Variants in ATP10A observed in about 807,000 individuals in gnomAD.
ATP10A encodes the protein phospholipid-transporting ATPase VA.
ATP10A carries 111 observed loss-of-function variants against 147.8 expected under a neutral mutation model. That is an observed-to-expected ratio of 0.75 (90% CI 0.64 to 0.88). ATP10A has a LOEUF of 0.88. ATP10A is among the 40% of genes least tolerant of loss of function. The pLI, the probability that ATP10A is intolerant of heterozygous loss-of-function variation, is 0.00. For missense variants in ATP10A, 1,927 were observed against 1,959.0 expected, an observed-to-expected ratio of 0.98 and a Z score of 0.31; for synonymous variants, 875 against 841.6, an observed-to-expected ratio of 1.04 and a Z score of -0.69.
rs540149803 is a variant in ATP10A, at chr15:25,810,194, C to T, written c.450-28971G>A. On this transcript the variant is annotated intron_variant, in intron 1 of 20. Coordinates refer to ENST00000555815, the MANE Select transcript of ATP10A (RefSeq NM_024490.4). ...GCGGGGCTAGAGCAGGAAAACCATT[C>T]TCATGCTCCTCATTTCCCCCCAGAC... 9.2e-5 allele frequency among the ~76,000 whole-genome samples: 14 copies of T among 152,256 alleles called. No individual in the cohort carries two copies. The South Asian group carries it at 2.7e-3, about 29-fold the overall frequency.
chr15:25,718,296 ACT>A lies in ATP10A; in HGVS notation c.1465_1466del (p.Ser489CysfsTer54). The A allele has an allele frequency of 6.2e-7, 1 of 1,611,456 alleles. No individual in the cohort carries two copies. Among genetic ancestry groups the A allele is most frequent in the African/African-American group, 1.3e-5 (1 of 74,870 alleles). On this transcript the variant is annotated frameshift_variant, in exon 8 of 21. Coordinates refer to ENST00000555815, the MANE Select transcript of ATP10A (RefSeq NM_024490.4). LOFTEE classifies it high-confidence loss of function. The stretch of plus-strand genomic sequence containing the variant: ...TCTGGGTTCTGTGCACCACCCGGAC[ACT>A]CTGGTGGCTGCCGATGCTGCCGCGC... ...SQRGSIGSHQ[S>X]VRVVHRTQST...
chr15:25,825,656 T>C lies in ATP10A; in HGVS notation c.449+36992A>G, dbSNP rs1892082731. ...ACCACAGGACAAAGAATACAGACCT[T>C]ACAGAGCTGGTTCATAAAAGTCAAT... On this transcript the variant is annotated intron_variant, in intron 1 of 20. Transcript: ENST00000555815. Among the ~76,000 whole-genome samples, 3 of 152,170 alleles carry C rather than the reference T, an allele frequency of 2.0e-5. No homozygotes were observed. The South Asian group carries it at 6.2e-4, about 32-fold the overall frequency.
At chr15:25,827,373 C>A (rs1413154700) in intron 1 of ATP10A, among the ~76,000 whole-genome samples, 2 of 152,114 alleles carry the variant, frequency 1.3e-5, no homozygotes, top group African/African-American at 4.8e-5. Context: ...ATATAAAATG[C>A]AAAGGTAGTT....
intron 1 of ATP10A, among the ~76,000 whole-genome samples, chr15:25,829,614 C>T (rs1892266622): frequency 1.3e-5 from 2 of 152,084 alleles, no homozygotes; most frequent in South Asian, 4.2e-4. Context: ...GTAAGATAAA[C>T]AGAGTAGGGA....
intron 2 of ATP10A, among the ~76,000 whole-genome samples, chr15:25,744,637 T>C (rs971752500): frequency 6.6e-6 from 1 of 152,212 alleles, no homozygotes; most frequent in Non-Finnish European, 1.5e-5. Context: ...TTCGAAAATA[T>C]AGAGCCCACA....
At chr15:25,826,233 AAG>A (rs1422665756) in intron 1 of ATP10A, among the ~76,000 whole-genome samples, 1 of 152,194 alleles carries the variant, frequency 6.6e-6, no homozygotes, top group African/African-American at 2.4e-5. Context: ...AGAAAGAAAA[AAG>A]AGAGACAAAA....
At position 25,830,698 on chromosome 15, in the gene ATP10A, G is replaced by A. The variant is rs182971706; in HGVS notation, c.449+31950C>T. On this transcript the variant is annotated intron_variant, in intron 1 of 20. Transcript: ENST00000555815. Reference sequence around the variant, plus strand: ...GGGATCTTCAGTCCCAAACTCAGAGGTGACAACTTATTTCTGTCCCCCTGC... The same window carrying A: ...GGGATCTTCAGTCCCAAACTCAGAGATGACAACTTATTTCTGTCCCCCTGC... Among the ~76,000 whole-genome samples the A allele has an allele frequency of 6.6e-4, 100 of 152,202 alleles. 1 individual carries two copies. The highest frequency in any genetic ancestry group is 1.5e-3 in the South Asian group (7 of 4,812).
intron 1 of ATP10A, chr15:25,841,500 T>C (rs1892811208): frequency 6.6e-6 from 1 of 151,982 alleles, no homozygotes; most frequent in Non-Finnish European, 1.5e-5. Context: ...AGTGAGTGCT[T>C]CCACTTTATT....
chr15:25,744,283 A>G (rs950441611), intron 2 of ATP10A, among the ~76,000 whole-genome samples: 2 of 151,886 alleles, frequency 1.3e-5, no homozygotes, highest in Non-Finnish European at 2.9e-5. Flanking sequence ...AATTGCTAGA[A>G]CCCCTAGATA....
intron 18 of ATP10A, 35 bp from the exon 19 acceptor site, chr15:25,680,949 C>A (rs1166325854): frequency 6.2e-7 from 1 of 1,613,282 alleles, no homozygotes; most frequent in Non-Finnish European, 8.5e-7. Flanking sequence ...CTGTAGGTCC[C>A]CGGATCCAGC....
At chr15:25,793,713 G>A (rs900844924) in intron 1 of ATP10A, among the ~76,000 whole-genome samples, 7 of 152,198 alleles carry the variant, frequency 4.6e-5, no homozygotes, top group African/African-American at 1.7e-4. Context: ...AGGTGAAGTG[G>A]CCTCCCAAGA....
At chr15:25,829,018 G>A (rs1268593110) in intron 1 of ATP10A, among the ~76,000 whole-genome samples, 5 of 152,172 alleles carry the variant, frequency 3.3e-5, no homozygotes, top group African/African-American at 1.2e-4. Flanking sequence ...GAACATGTGC[G>A]AGAAAGGAGG....
intron 1 of ATP10A, among the ~76,000 whole-genome samples, chr15:25,833,716 C>T (rs573845721): frequency 7.2e-5 from 11 of 152,222 alleles, no homozygotes; most frequent in Non-Finnish European, 1.0e-4. Context: ...TGCCGTGGCT[C>T]ACGCCTGTAA....
chr15:25,719,736 C>G (rs890404285), intron 7 of ATP10A, among the ~76,000 whole-genome samples: 1 of 152,096 alleles, frequency 6.6e-6, no homozygotes, highest in African/African-American at 2.4e-5. Context: ...AAAGATGAGG[C>G]CCAGGAGCAG....
intron 10 of ATP10A, chr15:25,709,010 G>A (rs1901225452): frequency 6.6e-6 from 1 of 152,290 alleles, no homozygotes; most frequent in African/African-American, 2.4e-5. Context: ...CCTGAAAGAG[G>A]ACCCGGTAAG....
At chr15:25,796,454 G>A (rs1052479183) in intron 1 of ATP10A, among the ~76,000 whole-genome samples, 5 of 152,188 alleles carry the variant, frequency 3.3e-5, no homozygotes, top group Admixed American at 6.5e-5. Context: ...TGTGGCACTG[G>A]CCTCTTTAAT....
chr15:25,725,905 AC>A, intron 5 of ATP10A, 45 bp downstream of exon 5: 1 of 1,569,698 alleles, frequency 6.4e-7, no homozygotes, highest in Non-Finnish European at 8.7e-7. Flanking sequence ...GGCACGAGCC[AC>A]TGCGCCTGGC....
chr15:25,791,954 C>CACAAA (rs1389693014), intron 1 of ATP10A, among the ~76,000 whole-genome samples: 1 of 152,028 alleles, frequency 6.6e-6, no homozygotes, highest in African/African-American at 2.4e-5. Context: ...ATGTTGTTTC[C>CACAAA]AAGTATTGCT....
At chr15:25,837,590 T>C (rs1413095977) in intron 1 of ATP10A, among the ~76,000 whole-genome samples, 1 of 152,222 alleles carries the variant, frequency 6.6e-6, no homozygotes, top group African/African-American at 2.4e-5. Context: ...ATGTTGATGC[T>C]GACTGGTCCT....
Sources: gnomAD v4.1 joint callset for allele counts (sites outside exome capture counted in the v4.1 genomes callset) on GRCh38, gnomAD v4.1.1 for gene constraint, MANE v1.5 for transcripts, NCBI Gene and HGNC (gene_info 2026-07-23, HGNC 2026-07-21) for gene names.